TRPC5: variants seen among roughly 807,000 people sequenced by gnomAD.
TRPC5 encodes transient receptor potential cation channel subfamily C member 5.
TRPC5 carries 9 observed loss-of-function variants against 56.5 expected under a neutral mutation model. That is an observed-to-expected ratio of 0.16 (90% CI 0.10 to 0.28). The LOEUF is 0.28. Ranked by LOEUF, TRPC5 falls within the 10% of genes least tolerant of loss-of-function variation. TRPC5 has a pLI of 1.00. For synonymous variants in TRPC5, 282 were observed against 278.5 expected, an observed-to-expected ratio of 1.01 and a Z score of -0.13; for missense variants, 469 against 748.9, an observed-to-expected ratio of 0.63 and a Z score of 4.36.
chrX:111,870,254 A>G (rs774252144), intron 3 of TRPC5, among the ~76,000 whole-genome samples: 6 of 111,761 alleles, frequency 5.4e-5, no homozygotes, highest in East Asian at 2.8e-4. Flanking sequence ...AATTTGTCAG[A>G]TTTTAGAACA....
At chrX:111,843,873 AGTGTGTGTGTGTGTGT>A (rs547330564) in intron 6 of TRPC5, among the ~76,000 whole-genome samples, 26 of 72,604 alleles carry the variant, frequency 3.6e-4, no homozygotes, top group African/African-American at 9.5e-4. Flanking sequence ...CAGTGGGATG[AGTGTGTGTGTGTGTGT>A]GTGTGTGTGT....
At chrX:111,801,897 A>G (rs764538961) in intron 7 of TRPC5, among the ~76,000 whole-genome samples, 2 of 112,011 alleles carry the variant, frequency 1.8e-5, no homozygotes, top group African/African-American at 3.2e-5. Flanking sequence ...ATGAAACTCA[A>G]CTATGAATCA....
At chrX:111,816,552 G>A (rs1045327535) in intron 7 of TRPC5, among the ~76,000 whole-genome samples, 2 of 111,794 alleles carry the variant, frequency 1.8e-5, no homozygotes, top group African/African-American at 3.2e-5. Context: ...ATGAAATTTG[G>A]GCAGTTTTAA....
intron 10 of TRPC5, 64 bp downstream of exon 10, chrX:111,778,921 C>T (rs778173775): frequency 7.4e-6 from 6 of 816,036 alleles, no homozygotes; most frequent in Non-Finnish European, 1.1e-5. Context: ...AAACCTCACA[C>T]ACTGTGAAGA....
At chrX:112,008,599 C>CAAAAAAAAAAAAAA (rs771663324) in intron 1 of TRPC5, among the ~76,000 whole-genome samples, 11 of 74,041 alleles carry the variant, frequency 1.5e-4, no homozygotes, top group African/African-American at 4.5e-4. Context: ...GACTCTGTCT[C>CAAAAAAAAAAAAAA]AAAAAAAAAA....
intron 1 of TRPC5, among the ~76,000 whole-genome samples, chrX:112,024,086 A>T (rs895623229): frequency 1.8e-5 from 2 of 111,708 alleles, no homozygotes; most frequent in Non-Finnish European, 3.8e-5. Context: ...TGGTCATTCT[A>T]TGAGTGGAAG....
At chrX:111,852,182 C>T (rs1292275319) in intron 5 of TRPC5, 116 bp downstream of exon 5, 5 of 698,425 alleles carry the variant, frequency 7.2e-6, no homozygotes. Context: ...TAATTTCCCA[C>T]ATGGATTGAG....
chrX:111,995,113 G>C (rs1335683288), intron 1 of TRPC5, among the ~76,000 whole-genome samples: 3 of 111,483 alleles, frequency 2.7e-5, no homozygotes, highest in Non-Finnish European at 5.6e-5. Flanking sequence ...GTCATAAATA[G>C]CTCTTATTAT....
chrX:111,957,684 T>C (rs1927272585), intron 1 of TRPC5, among the ~76,000 whole-genome samples: 1 of 111,964 alleles, frequency 8.9e-6, no homozygotes, highest in Non-Finnish European at 1.9e-5. Context: ...CCAGCAATAG[T>C]AGATATTCAG....
At chrX:111,881,146 GTTTATTTTAT>G (rs747702186) in intron 3 of TRPC5, among the ~76,000 whole-genome samples, 1,636 of 101,131 alleles carry the variant, frequency 0.016, 9 homozygotes, top group Middle Eastern at 0.029. Flanking sequence ...ATTTTCTTTT[GTTTATTTTAT>G]TTTATTTTAT....
At chrX:111,951,645 A>G (rs1245463268) in intron 2 of TRPC5, among the ~76,000 whole-genome samples, 1 of 111,749 alleles carries the variant, frequency 8.9e-6, no homozygotes, top group Non-Finnish European at 1.9e-5. Flanking sequence ...CTTCAGAGAG[A>G]GGCTAATGAG....
chrX:111,846,849 C>G (rs1418459449), intron 6 of TRPC5, among the ~76,000 whole-genome samples: 2 of 111,489 alleles, frequency 1.8e-5, no homozygotes, highest in Admixed American at 1.9e-4. Flanking sequence ...AGTTCAGAAC[C>G]AACTCTTTAG....
intron 7 of TRPC5, among the ~76,000 whole-genome samples, chrX:111,793,389 C>T (rs772309259): frequency 5.4e-5 from 6 of 111,770 alleles, no homozygotes; most frequent in Non-Finnish European, 1.1e-4. Flanking sequence ...ATGGGAAAAT[C>T]GTTTGAATAG....
intron 1 of TRPC5, among the ~76,000 whole-genome samples, chrX:112,019,686 T>C (rs970608768): frequency 5.4e-5 from 6 of 111,995 alleles, no homozygotes; most frequent in Non-Finnish European, 1.1e-4. Context: ...CCGCCCACCT[T>C]GGCCTCCCAA....
intron 7 of TRPC5, among the ~76,000 whole-genome samples, chrX:111,814,805 C>CT (rs1478276688): frequency 2.7e-5 from 3 of 110,290 alleles, no homozygotes; most frequent in African/African-American, 6.6e-5. Context: ...GCGTGTGTTA[C>CT]TTTTTTTTAC....
intron 7 of TRPC5, among the ~76,000 whole-genome samples, chrX:111,797,144 G>A (rs930901452): frequency 9.0e-6 from 1 of 111,671 alleles, no homozygotes; most frequent in Non-Finnish European, 1.9e-5. Flanking sequence ...GCTCTCCAAG[G>A]TAGTAGTGCT....
intron 1 of TRPC5, among the ~76,000 whole-genome samples, chrX:111,954,359 T>C (rs972765924): frequency 8.9e-6 from 1 of 111,926 alleles, no homozygotes; most frequent in African/African-American, 3.2e-5. Flanking sequence ...ACCCTGCTCA[T>C]TGAAGGCTGG....
At chrX:111,786,189 G>A (rs1253555140) in intron 7 of TRPC5, among the ~76,000 whole-genome samples, 1 of 111,565 alleles carries the variant, frequency 9.0e-6, no homozygotes, top group Non-Finnish European at 1.9e-5. Context: ...CCCACAAAGG[G>A]AAGCCCATCA....
chrX:112,072,301 A>G (rs2147747013), intron 1 of TRPC5, among the ~76,000 whole-genome samples: 1 of 112,018 alleles, frequency 8.9e-6, no homozygotes, highest in Admixed American at 9.4e-5. Flanking sequence ...AGGTTAAATG[A>G]TTTACTATTT....
Sources: allele counts gnomAD v4.1 joint callset (sites outside exome capture counted in the v4.1 genomes callset), GRCh38; gene constraint gnomAD v4.1.1; transcripts MANE v1.5; gene names NCBI Gene and HGNC (gene_info 2026-07-23, HGNC 2026-07-21).